The following TOPAZ1 variants were observed in gnomAD, a reference collection of about 807,000 sequenced individuals.
The protein encoded by TOPAZ1 is testis and ovary specific TOPAZ 1, also known as protein TOPAZ1.
A neutral mutation model predicts 172.2 loss-of-function variants in TOPAZ1; 66 were observed. The observed-to-expected ratio is 0.38, with a 90% CI of 0.31 to 0.47. The LOEUF (loss-of-function observed/expected upper bound fraction) is 0.47, where lower values mean the gene tolerates loss of function less well. Ranked by LOEUF, TOPAZ1 falls within the 20% of genes least tolerant of loss-of-function variation. The pLI, the probability that TOPAZ1 is intolerant of heterozygous loss-of-function variation, is 0.99. For missense variants in TOPAZ1, 1,822 were observed against 1,972.4 expected (o/e 0.92, Z 1.44); for synonymous variants, 681 against 683.9 (o/e 1.00, Z 0.07).
At chr3:44,329,736 C>T (rs1448745794) in intron 19 of TOPAZ1, among the ~76,000 whole-genome samples, 1 of 152,172 alleles carries the variant, frequency 6.6e-6, no homozygotes, top group African/African-American at 2.4e-5. Context: ...GATGGGCCTA[C>T]ATGGATACCT....
At chr3:44,300,420 G>A (rs558077090) in intron 12 of TOPAZ1, among the ~76,000 whole-genome samples, 1 of 124,544 alleles carries the variant, frequency 8.0e-6, no homozygotes, top group South Asian at 3.8e-4. Context: ...AGAGTGAGAC[G>A]TCTTAAAAAA....
Position 44,244,835 on chromosome 3 carries a change from G to C in TOPAZ1, c.2329G>C (p.Gly777Arg). The C allele has an allele frequency of 1.3e-6, 2 of 1,551,614 alleles. No homozygotes were observed. The highest frequency in any genetic ancestry group is 1.7e-6 in the Non-Finnish European group (2 of 1,146,974). The change falls in exon 2 of 20, where the codon GGT becomes CGT. Residue 777 changes from glycine (G) to arginine (R), a missense_variant. This residue lies in a region of TOPAZ1 where 1,489 missense variants were observed against 1,490.8 expected (regional missense o/e 1.00). Coordinates refer to ENST00000309765, the MANE Select transcript of TOPAZ1 (RefSeq NM_001145030.2). ...TATTTCTCCAAGCTTTACAAAGCAA[G>C]GTAACAATAGCAAACCATCTAATCA... ...YSISPSFTKQ[G>R]NNSKPSNHVS...
At chr3:44,283,584 C>A (rs940065973) in intron 9 of TOPAZ1, among the ~76,000 whole-genome samples, 1 of 152,048 alleles carries the variant, frequency 6.6e-6, no homozygotes, top group African/African-American at 2.4e-5. Flanking sequence ...ACATAAAATT[C>A]TTTTGAGAAG....
intron 6 of TOPAZ1, among the ~76,000 whole-genome samples, chr3:44,268,896 A>G (rs1275029570): frequency 2.6e-5 from 4 of 152,194 alleles, no homozygotes; most frequent in Non-Finnish European, 5.9e-5. Context: ...TTTATTGTGT[A>G]TAATATTTGT....
chr3:44,294,925 G>A (rs1235406824), intron 12 of TOPAZ1, among the ~76,000 whole-genome samples: 1 of 152,110 alleles, frequency 6.6e-6, no homozygotes, highest in Non-Finnish European at 1.5e-5. Context: ...ATTTATATGT[G>A]CCTATAACTT....
intron 2 of TOPAZ1, among the ~76,000 whole-genome samples, chr3:44,253,308 T>G (rs1037523674): frequency 1.3e-5 from 2 of 152,200 alleles, no homozygotes; most frequent in Non-Finnish European, 2.9e-5. Context: ...ATAAGAGAGA[T>G]AATTTGATCA....
At chr3:44,319,338 A>G (rs912069215) in intron 16 of TOPAZ1, among the ~76,000 whole-genome samples, 1 of 152,194 alleles carries the variant, frequency 6.6e-6, no homozygotes, top group African/African-American at 2.4e-5. Context: ...TTTTAAATGA[A>G]TCTCCTAAAA....
chr3:44,298,435 G>A (rs779269136), intron 12 of TOPAZ1, among the ~76,000 whole-genome samples: 19 of 152,148 alleles, frequency 1.2e-4, no homozygotes, highest in Non-Finnish European at 2.5e-4. Flanking sequence ...TCCAGCCTGG[G>A]TGACAGATAG....
At chr3:44,272,493 T>G (rs1008144988) in intron 8 of TOPAZ1, among the ~76,000 whole-genome samples, 1 of 152,202 alleles carries the variant, frequency 6.6e-6, no homozygotes, top group African/African-American at 2.4e-5. Flanking sequence ...TTTCTCTGAT[T>G]CATGATGTTG....
At chr3:44,275,040 T>C (rs1699938543) in intron 8 of TOPAZ1, among the ~76,000 whole-genome samples, 1 of 151,906 alleles carries the variant, frequency 6.6e-6, no homozygotes, top group African/African-American at 2.4e-5. Context: ...CATAAATACA[T>C]AAAATTTATT....
intron 4 of TOPAZ1, among the ~76,000 whole-genome samples, chr3:44,257,352 G>GGGGTGTGTGTGTGTGT (rs1264696203): frequency 5.4e-5 from 6 of 110,386 alleles, no homozygotes; most frequent in African/African-American, 1.9e-4. Context: ...AAAACATAGG[G>GGGGTGTGTGTGTGTGT]GTGTGTGTGT....
intron 2 of TOPAZ1, among the ~76,000 whole-genome samples, chr3:44,254,265 A>C (rs907983980): frequency 1.3e-5 from 2 of 152,118 alleles, no homozygotes; most frequent in Non-Finnish European, 2.9e-5. Context: ...GGGACTACCA[A>C]AAAAAATTGA....
At chr3:44,250,243 C>CAAAAAAA (rs35079686) in intron 2 of TOPAZ1, among the ~76,000 whole-genome samples, 2 of 110,808 alleles carry the variant, frequency 1.8e-5, no homozygotes, top group African/African-American at 3.7e-5. Context: ...CATGAAATGA[C>CAAAAAAA]AAAAAAAAAA....
intron 8 of TOPAZ1, among the ~76,000 whole-genome samples, chr3:44,274,119 T>G (rs1202836961): frequency 6.6e-6 from 1 of 151,108 alleles, no homozygotes; most frequent in Non-Finnish European, 1.5e-5. Context: ...GTCTCTTTTT[T>G]TTTTTTTTGG....
At chr3:44,248,300 TGTGCAGTATCAA>T (rs1314402706) in intron 2 of TOPAZ1, among the ~76,000 whole-genome samples, 1 of 152,226 alleles carries the variant, frequency 6.6e-6, no homozygotes, top group East Asian at 1.9e-4. Flanking sequence ...GCCATTTTGG[TGTGCAGTATCAA>T]GTGTTTATTT....
intron 7 of TOPAZ1, among the ~76,000 whole-genome samples, 168 bp downstream of exon 7, chr3:44,269,469 A>ATTTTTTTTTTTTTTTTTTTT: frequency 3.0e-5 from 1 of 32,882 alleles, no homozygotes; most frequent in Non-Finnish European, 5.4e-5. Flanking sequence ...TTTCCCTATC[A>ATTTTTTTTTTTTTTTTTTTT]TCTTTTTTTT....
intron 4 of TOPAZ1, among the ~76,000 whole-genome samples, chr3:44,259,948 T>C (rs1575709268): frequency 6.6e-6 from 1 of 152,318 alleles, no homozygotes; most frequent in Middle Eastern, 3.4e-3. Context: ...AATCCCTGCA[T>C]GTCAAGGGAG....
At chr3:44,256,319 AAAT>A in intron 4 of TOPAZ1, 41 bp downstream of exon 4, 1 of 1,496,726 alleles carries the variant, frequency 6.7e-7, no homozygotes, top group Non-Finnish European at 8.9e-7. Flanking sequence ...TCTTGGTCTT[AAAT>A]AGTGGTAATG....
chr3:44,268,521 G>A (rs1295730115), intron 6 of TOPAZ1, among the ~76,000 whole-genome samples: 2 of 151,430 alleles, frequency 1.3e-5, no homozygotes, highest in Admixed American at 6.6e-5. Context: ...TTACAGGCAC[G>A]CACCACCATG....
Sources: gnomAD v4.1 joint callset for allele counts (sites outside exome capture counted in the v4.1 genomes callset) on GRCh38, gnomAD v4.1.1 for gene constraint, gnomAD v4.1.1 regional missense constraint, MANE v1.5 for transcripts, NCBI Gene and HGNC (gene_info 2026-07-23, HGNC 2026-07-21) for gene names.